The following ERMAP variants were observed in gnomAD, a reference collection of about 807,000 sequenced individuals.
ERMAP encodes the protein erythroblast membrane associated protein (Scianna blood group).
ERMAP carries 34 observed loss-of-function variants against 49.5 expected under a neutral mutation model. The observed-to-expected ratio is 0.69, with a 90% CI of 0.52 to 0.91. The LOEUF is 0.91. ERMAP is among the 40% of genes least tolerant of loss of function. The pLI, the probability that ERMAP is intolerant of heterozygous loss-of-function variation, is 0.00. For synonymous variants in ERMAP, 214 were observed against 232.2 expected, an observed-to-expected ratio of 0.92 and a Z score of 0.71; for missense variants, 541 against 582.6, an observed-to-expected ratio of 0.93 and a Z score of 0.74.
At chr1:42,841,604 A>G (rs1655058720) in intron 11 of ERMAP, among the ~76,000 whole-genome samples, 1 of 152,242 alleles carries the variant, frequency 6.6e-6, no homozygotes, top group Non-Finnish European at 1.5e-5. Flanking sequence ...CACTGTAGGA[A>G]TGAGGCACTA....
chr1:42,840,620 T>A (rs1420439405), intron 11 of ERMAP, among the ~76,000 whole-genome samples: 1 of 152,228 alleles, frequency 6.6e-6, no homozygotes. Context: ...CCTGTTCTAT[T>A]TGGGCTTTTT....
rs746592231 is a variant in ERMAP, at chr1:42,817,215, T to G, written c.-160T>G. On this transcript the variant is annotated 5_prime_UTR_variant, in exon 1 of 12. Coordinates refer to ENST00000372517, the MANE Select transcript of ERMAP (RefSeq NM_001017922.2). ...CTTTCCCGACCGGGCCACTGGAAGT[T>G]GGAGCCTCCGCCGAGTCGCAGACAA... The G allele has an allele frequency of 1.6e-6, 2 of 1,256,710 alleles. No individual in the cohort carries two copies. The highest frequency in any genetic ancestry group is 2.6e-5 in the South Asian group (2 of 77,322). 77.8% of individuals were successfully genotyped at this position (1,256,710 alleles called of 1,614,324 possible).
Position 42,840,142 on chromosome 1 carries a change from T to C in ERMAP, c.659-10T>C. The C allele has an allele frequency of 1.2e-6, 2 of 1,614,230 alleles. No homozygotes were observed. The highest frequency in any genetic ancestry group is 1.7e-6 in the Non-Finnish European group (2 of 1,180,040). On this transcript the variant is annotated splice_polypyrimidine_tract_variant and intron_variant, in intron 9 of 11. Transcript: ENST00000372517. ...GTGATAGCTCATTCCCCTTGTTTCT[T>C]CTTTCATAGAGTTGAAAAGAGCTGC...
Position 42,819,204 on chromosome 1 carries a change from T to TGCGC in ERMAP, c.-122+1952_-122+1953insCGCG, listed in dbSNP as rs1339251017. On this transcript the variant is annotated intron_variant, in intron 1 of 11. Coordinates refer to ENST00000372517, the MANE Select transcript of ERMAP (RefSeq NM_001017922.2). This position sits in a 1 kb window ranked among gnomAD's most constrained non-coding sequence, Gnocchi z 5.1. ...GTGTGTGTGTGTGTGTGTGTGTGTG[T>TGCGC]GTGCGCGCGCGCAAGAGAGGGACCG... Among the ~76,000 whole-genome samples the TGCGC allele has an allele frequency of 2.4e-4, 29 of 121,224 alleles. No individual in the cohort carries two copies. Among genetic ancestry groups the TGCGC allele is most frequent in the African/African-American group, 9.1e-4 (29 of 31,968 alleles). The allele number at this position is 121,224 out of a possible 152,430, so 79.5% of individuals were successfully genotyped here. A position where few individuals can be genotyped will look rare whatever the true frequency, so the allele number is the denominator to read the frequency against.
At position 42,842,912 on chromosome 1, in the gene ERMAP, T is replaced by G; in HGVS notation, c.1108T>G (p.Ser370Ala). Reference protein sequence around the residue: ...IFLDYEAGVISFYNVTNKSHI... With the variant: ...IFLDYEAGVIAFYNVTNKSHI... Reference sequence around the variant, plus strand: ...CCTGGACTATGAAGCAGGAGTCATCTCTTTCTACAATGTGACCAACAAGTC... The same window carrying G: ...CCTGGACTATGAAGCAGGAGTCATCGCTTTCTACAATGTGACCAACAAGTC... The change falls in exon 12 of 12, where the codon TCT (serine) becomes GCT (alanine). Residue 370 changes from serine (S) to alanine (A), a missense_variant. By Grantham distance (99) the Ser-to-Ala change is moderately conservative. Coordinates refer to ENST00000372517, the MANE Select transcript of ERMAP (RefSeq NM_001017922.2). The G allele has an allele frequency of 6.2e-7, 1 of 1,614,218 alleles. No homozygotes were observed.
At position 42,825,665 on chromosome 1, in the gene ERMAP, G is replaced by A. The variant is rs762479385; in HGVS notation, c.-79G>A. ...GCCTGCTCCCTGGTCTCTCTGCATG[G>A]GGAAGGAGTGTTCCCAGCTTGCAAA... is the stretch of plus-strand genomic sequence containing the variant. On this transcript the variant is annotated 5_prime_UTR_variant, in exon 2 of 12. Coordinates refer to ENST00000372517, the MANE Select transcript of ERMAP (RefSeq NM_001017922.2). 181 of 1,289,276 alleles carry A rather than the reference G, an allele frequency of 1.4e-4. No homozygotes were observed. The highest frequency in any genetic ancestry group is 1.7e-4 in the Non-Finnish European group (169 of 988,888). The allele number at this position is 1,289,276 out of a possible 1,614,324, so 79.9% of individuals were successfully genotyped here.
rs192334866 is a variant in ERMAP at position 42,844,103 on chromosome 1, G to A, written c.*871G>A. On this transcript the variant is annotated 3_prime_UTR_variant, in exon 12 of 12. Coordinates refer to ENST00000372517, the MANE Select transcript of ERMAP (RefSeq NM_001017922.2). The surrounding 1 kb of genome is among the most constrained non-coding windows in gnomAD (Gnocchi z 4.0). Reference sequence around the variant, plus strand: ...ATTCAGAGAGGTCCAGCTAGAAAAAGTGGCAGTTTTAACCACCAACGTAGA... The same window carrying A: ...ATTCAGAGAGGTCCAGCTAGAAAAAATGGCAGTTTTAACCACCAACGTAGA... 2 of 398,638 alleles carry A rather than the reference G, an allele frequency of 5.0e-6. No homozygotes were observed. Among genetic ancestry groups the A allele is most frequent in the East Asian group, 7.1e-5 (2 of 28,086 alleles). The allele number at this position is 398,638 out of a possible 1,614,324, so 24.7% of individuals were successfully genotyped here.
Position 42,825,624 on chromosome 1 carries a change from C to A in ERMAP, c.-120C>A. 7.8e-7 allele frequency: 1 copy of A among 1,288,264 alleles called. No homozygotes were observed. Among genetic ancestry groups the A allele is most frequent in the Non-Finnish European group, 1.0e-6 (1 of 988,510 alleles). 79.8% of individuals were successfully genotyped at this position (1,288,264 alleles called of 1,614,324 possible). On this transcript the variant is annotated splice_region_variant and 5_prime_UTR_variant, in exon 2 of 12. Transcript: ENST00000372517. ...ACTTTTCCCGGCCCACATCCCTAGG[C>A]CTTCCTGATGCGCTTGCCTGCTCCC...
intron 1 of ERMAP, among the ~76,000 whole-genome samples, chr1:42,818,354 T>C (rs1242011639): frequency 6.6e-6 from 1 of 152,180 alleles, no homozygotes; most frequent in Non-Finnish European, 1.5e-5. Flanking sequence ...AAACAGAAAG[T>C]AGAATGGTGA....
At chr1:42,825,011 G>A (rs1358832844) in intron 1 of ERMAP, among the ~76,000 whole-genome samples, 1 of 152,160 alleles carries the variant, frequency 6.6e-6, no homozygotes, top group Admixed American at 6.5e-5. Context: ...AGAAGCTAAT[G>A]TTGAATAAAA....
At position 42,817,581 on chromosome 1, in the gene ERMAP, T is replaced by C. The variant is rs566684089; in HGVS notation, c.-122+328T>C. ...ATCCGAATCCTGGAATTGGAATTGC[T>C]CAGAATTCGAATTCCGAGGCTCAAT... is the stretch of plus-strand genomic sequence containing the variant. On this transcript the variant is annotated intron_variant, in intron 1 of 11. Transcript: ENST00000372517. The C allele has an allele frequency of 6.6e-5, 10 of 151,876 alleles. No individual in the cohort carries two copies. The South Asian group carries it at 2.0e-3, about 30-fold the overall frequency. The allele number at this position is 151,876 out of a possible 1,614,324, so 9.4% of individuals were successfully genotyped here.
rs1026278296 is a variant in ERMAP at position 42,843,202 on chromosome 1, C to A, written c.1398C>A (p.Ala466=). 2 of 1,600,654 alleles carry A rather than the reference C, an allele frequency of 1.2e-6. No homozygotes were observed. The highest frequency in any genetic ancestry group is 1.3e-5 in the African/African-American group (1 of 74,260). ...CCTTGCCCCCTGACCTTGGCCCAGC[C>A]CTTCAGGAGCTCAAGGCTCCTTCTT... The part of the protein sequence containing the change: ...ILSLPPDLGP[A]LQELKAPSF The change falls in exon 12 of 12, where the codon GCC becomes GCA. Residue 466 remains alanine (A), a synonymous_variant. Coordinates refer to ENST00000372517, the MANE Select transcript of ERMAP (RefSeq NM_001017922.2).
intron 1 of ERMAP, among the ~76,000 whole-genome samples, chr1:42,821,284 T>C (rs1654399779): frequency 6.6e-6 from 1 of 152,216 alleles, no homozygotes; most frequent in Admixed American, 6.5e-5. Context: ...TTGTGTTCAA[T>C]GAGACATGTT....
chr1:42,820,426 T>C (rs1654377423), intron 1 of ERMAP, among the ~76,000 whole-genome samples: 1 of 150,830 alleles, frequency 6.6e-6, no homozygotes, highest in African/African-American at 2.4e-5. Context: ...GGTCTCCCTA[T>C]GTTGGCCAGG....
At chr1:42,837,050 A>T in intron 6 of ERMAP, 108 bp from the exon 7 acceptor site, 1 of 1,073,492 alleles carries the variant, frequency 9.3e-7, no homozygotes, top group Non-Finnish European at 1.4e-6. Flanking sequence ...AGGGAGGTGG[A>T]GGTGAAGATA....
chr1:42,831,028 G>A lies in ERMAP; in HGVS notation c.346G>A (p.Val116Met), dbSNP rs563298024. The A allele has an allele frequency of 1.2e-5, 20 of 1,614,232 alleles. No homozygotes were observed. The highest frequency in any genetic ancestry group is 8.8e-5 in the South Asian group (8 of 91,082). Residue 116 changes from valine to methionine, a missense_variant, in exon 4 of 12, where the codon GTG (valine) becomes ATG (methionine). Val to Met is a conservative substitution (Grantham distance 21). Coordinates refer to ENST00000372517, the MANE Select transcript of ERMAP (RefSeq NM_001017922.2). ...EGSVTLQILDVRLEDQGSYRC... is the reference protein window; with the variant it reads ...EGSVTLQILDMRLEDQGSYRC... Reference sequence around the variant, plus strand: ...AAGTGTCACTCTGCAGATCCTTGACGTGCGCCTTGAGGACCAAGGGTCTTA... The same window carrying A: ...AAGTGTCACTCTGCAGATCCTTGACATGCGCCTTGAGGACCAAGGGTCTTA...
In ERMAP at chr1:42,819,630, C is replaced by T. The variant is rs947529582; in HGVS notation, c.-122+2377C>T. Among the ~76,000 whole-genome samples, 26 of 152,032 alleles carry T rather than the reference C, an allele frequency of 1.7e-4. No homozygotes were observed. The highest frequency in any genetic ancestry group is 6.3e-4 in the African/African-American group (26 of 41,400). On this transcript the variant is annotated intron_variant, in intron 1 of 11. Transcript: ENST00000372517. The surrounding 1 kb of genome is among the most constrained non-coding windows in gnomAD (Gnocchi z 5.1). ...ATTTTTTCTAGAGTCAAAAAATTAT[C>T]TATTTTTATTTGCTTAATGATCTAT... is the stretch of plus-strand genomic sequence containing the variant.
intron 8 of ERMAP, chr1:42,839,257 C>T (rs374048990): frequency 8.1e-5 from 33 of 408,734 alleles, no homozygotes; most frequent in Non-Finnish European, 1.3e-4. Flanking sequence ...CCTTATTAAA[C>T]TGAATATGCT....
intron 8 of ERMAP, 157 bp downstream of exon 8, chr1:42,839,078 T>C: frequency 4.1e-6 from 4 of 984,072 alleles, no homozygotes; most frequent in Non-Finnish European, 4.8e-6. Context: ...AGGCCTCTTT[T>C]CTCAAGTATT....
Sources: allele counts gnomAD v4.1 joint callset (sites outside exome capture counted in the v4.1 genomes callset), GRCh38; gene constraint gnomAD v4.1.1; non-coding constraint Gnocchi (gnomAD v3.1); transcripts MANE v1.5; gene names NCBI Gene and HGNC (gene_info 2026-07-23, HGNC 2026-07-21).